The following EXOC4 variants were observed in gnomAD, a reference collection of about 807,000 sequenced individuals.
The protein encoded by EXOC4 is exocyst complex component 4, also known as SEC8-like 1.
EXOC4 carries 71 observed loss-of-function variants against 107.2 expected under a neutral mutation model. That is an observed-to-expected ratio of 0.66 (90% CI 0.55 to 0.81). The LOEUF is 0.81. Ranked by LOEUF, EXOC4 falls within the 30% of genes least tolerant of loss-of-function variation. EXOC4 has a pLI of 0.00. For missense variants in EXOC4, 1,108 were observed against 1,189.6 expected (o/e 0.93, Z 1.01); for synonymous variants, 456 against 441.2 (o/e 1.03, Z -0.42).
intron 9 of EXOC4, among the ~76,000 whole-genome samples, chr7:133,525,254 T>A (rs1396706332): frequency 2.0e-5 from 3 of 152,210 alleles, no homozygotes; most frequent in Non-Finnish European, 4.4e-5. Flanking sequence ...GAATAGCCAC[T>A]GCTGGTAGGC....
At chr7:133,970,604 C>T (rs1468054353) in intron 14 of EXOC4, among the ~76,000 whole-genome samples, 7 of 152,030 alleles carry the variant, frequency 4.6e-5, no homozygotes, top group African/African-American at 1.7e-4. Context: ...GGAGGGAGTT[C>T]CCCGACTCCT....
chr7:133,913,853 A>C (rs117938599), intron 12 of EXOC4, among the ~76,000 whole-genome samples: 1 of 152,348 alleles, frequency 6.6e-6, no homozygotes, highest in African/African-American at 2.4e-5. Flanking sequence ...CAAGTCAGCA[A>C]TGCAGAATTC....
At chr7:133,701,512 A>G (rs1794655347) in intron 10 of EXOC4, among the ~76,000 whole-genome samples, 3 of 152,168 alleles carry the variant, frequency 2.0e-5, no homozygotes, top group South Asian at 4.1e-4. Flanking sequence ...AGGGCCTCCA[A>G]TGGATACCTG....
At chr7:133,794,331 GTCTC>G (rs1796769257) in intron 10 of EXOC4, among the ~76,000 whole-genome samples, 1 of 152,144 alleles carries the variant, frequency 6.6e-6, no homozygotes, top group African/African-American at 2.4e-5. Context: ...TAGAGTAAGT[GTCTC>G]TCTCCTGGTT....
intron 9 of EXOC4, among the ~76,000 whole-genome samples, chr7:133,550,445 AAT>A (rs1420466893): frequency 7.9e-5 from 12 of 152,180 alleles, no homozygotes; most frequent in Admixed American, 6.5e-4. Context: ...GAATTTAAAT[AAT>A]AAAGATTTTC....
At chr7:133,351,218 CAT>C (rs1158241415) in intron 5 of EXOC4, among the ~76,000 whole-genome samples, 1 of 151,968 alleles carries the variant, frequency 6.6e-6, no homozygotes, top group African/African-American at 2.4e-5. Flanking sequence ...ATGCTGGCCT[CAT>C]AGAATAACTT....
intron 12 of EXOC4, among the ~76,000 whole-genome samples, chr7:133,902,064 C>G (rs557472977): frequency 1.3e-5 from 2 of 152,348 alleles, no homozygotes; most frequent in South Asian, 4.1e-4. Flanking sequence ...CTCCTAGCTT[C>G]TAGTGAGTAC....
rs201134202 is a variant in EXOC4 at position 133,937,956 on chromosome 7, A to C, written c.2093A>C (p.Gln698Pro). The C allele has an allele frequency of 6.2e-7, 1 of 1,614,158 alleles. No homozygotes were observed. The highest frequency in any genetic ancestry group is 2.2e-5 in the East Asian group (1 of 44,888). The change falls in exon 14 of 18, where the codon CAA (glutamine) becomes CCA (proline). Residue 698 changes from glutamine (Q) to proline (P), a missense_variant. Gln to Pro is a moderately conservative substitution (Grantham distance 76). Coordinates refer to ENST00000253861, the MANE Select transcript of EXOC4 (RefSeq NM_021807.4). ...GNLGDKLIPPQDILRDVSDLK... is the reference protein window; with the variant it reads ...GNLGDKLIPPPDILRDVSDLK... ...CTGGGTGATAAATTAATCCCTCCAC[A>C]AGACATCCTTCGTGACGTCAGTGAC... is the stretch of plus-strand genomic sequence containing the variant.
intron 11 of EXOC4, among the ~76,000 whole-genome samples, chr7:133,840,758 G>C (rs965784715): frequency 1.3e-5 from 2 of 152,140 alleles, no homozygotes; most frequent in African/African-American, 4.8e-5. Flanking sequence ...TGGGATTACA[G>C]GCGTGAGCCA....
intron 6 of EXOC4, among the ~76,000 whole-genome samples, chr7:133,371,162 T>C (rs1378646380): frequency 2.6e-5 from 4 of 152,188 alleles, no homozygotes; most frequent in African/African-American, 7.2e-5. Flanking sequence ...GTTTCATGTA[T>C]TTCCTCTTCA....
intron 10 of EXOC4, among the ~76,000 whole-genome samples, chr7:133,791,971 G>T (rs994190420): frequency 6.6e-6 from 1 of 152,200 alleles, no homozygotes; most frequent in South Asian, 2.1e-4. Flanking sequence ...TTTTTCACAC[G>T]CAGATGAGAC....
chr7:134,052,844 G>A (rs907979206), intron 17 of EXOC4, among the ~76,000 whole-genome samples: 11 of 152,092 alleles, frequency 7.2e-5, no homozygotes, highest in Non-Finnish European at 1.5e-4. Flanking sequence ...GTGAAAACAC[G>A]GATCTCTGTT....
intron 5 of EXOC4, among the ~76,000 whole-genome samples, chr7:133,335,254 A>G (rs1293832266): frequency 1.3e-5 from 2 of 152,182 alleles, no homozygotes; most frequent in African/African-American, 4.8e-5. Context: ...ATTTCTAAGT[A>G]GACAGTTCAG....
intron 7 of EXOC4, among the ~76,000 whole-genome samples, chr7:133,379,818 G>A: frequency 6.6e-6 from 1 of 152,088 alleles, no homozygotes; most frequent in East Asian, 1.9e-4. Context: ...ATTGTCAGAT[G>A]TATATAATTC....
chr7:133,508,568 G>A (rs551775671), intron 9 of EXOC4, among the ~76,000 whole-genome samples: 3 of 152,168 alleles, frequency 2.0e-5, no homozygotes, highest in South Asian at 2.1e-4. Flanking sequence ...TTATGCATGC[G>A]CTGTAAGAGA....
intron 7 of EXOC4, among the ~76,000 whole-genome samples, chr7:133,464,196 A>G (rs1473703874): frequency 6.6e-6 from 1 of 152,198 alleles, no homozygotes; most frequent in Non-Finnish European, 1.5e-5. Flanking sequence ...TTTAAGTTCA[A>G]GGGTACATTT....
At chr7:133,349,388 A>G (rs865969803) in intron 5 of EXOC4, among the ~76,000 whole-genome samples, 11 of 152,216 alleles carry the variant, frequency 7.2e-5, no homozygotes, top group Admixed American at 5.2e-4. Context: ...TAAGTACGGC[A>G]TATAAGTAGA....
intron 10 of EXOC4, among the ~76,000 whole-genome samples, chr7:133,664,348 CA>C (rs1291526006): frequency 6.6e-6 from 1 of 152,062 alleles, no homozygotes; most frequent in Admixed American, 6.6e-5. Flanking sequence ...AGTAGGCCCT[CA>C]ATTAATGTTT....
At chr7:134,024,941 C>T (rs1795106348) in intron 17 of EXOC4, among the ~76,000 whole-genome samples, 1 of 152,186 alleles carries the variant, frequency 6.6e-6, no homozygotes, top group Non-Finnish European at 1.5e-5. Context: ...TGTTTAGCAG[C>T]AGCTGTGGTG....
Sources: gnomAD v4.1 joint callset for allele counts (sites outside exome capture counted in the v4.1 genomes callset) on GRCh38, gnomAD v4.1.1 for gene constraint, MANE v1.5 for transcripts, NCBI Gene and HGNC (gene_info 2026-07-23, HGNC 2026-07-21) for gene names.